SH3PXD2A: variants seen among roughly 807,000 people sequenced by gnomAD.
The protein encoded by SH3PXD2A is SH3 and PX domain-containing protein 2A.
In SH3PXD2A, 32 loss-of-function variants were observed where a neutral mutation model predicts 115.2. The observed-to-expected ratio is 0.28, with a 90% CI of 0.21 to 0.37. The LOEUF (loss-of-function observed/expected upper bound fraction) is 0.37, where lower values mean the gene tolerates loss of function less well. SH3PXD2A is among the 10% of genes least tolerant of loss of function. The pLI, the probability that SH3PXD2A is intolerant of heterozygous loss-of-function variation, is 1.00. For synonymous variants in SH3PXD2A, 610 were observed against 629.1 expected, an observed-to-expected ratio of 0.97 and a Z score of 0.45; for missense variants, 1,328 against 1,498.7, an observed-to-expected ratio of 0.89 and a Z score of 1.88.
chr10:103,596,206 AG>A lies in SH3PXD2A; in HGVS notation c.*5609del, dbSNP rs1471633035. 6.6e-6 allele frequency: 1 copy of A among 152,322 alleles called. No homozygotes were observed. The highest frequency in any genetic ancestry group is 1.5e-5 in the Non-Finnish European group (1 of 68,030). 9.4% of individuals were successfully genotyped at this position (152,322 alleles called of 1,614,324 possible). A position where few individuals can be genotyped will look rare whatever the true frequency, so the allele number is the denominator to read the frequency against. ...GAAAGGGCTGGCAGCTTTCATTATA[AG>A]GGGCTTCTCATACCCATGGCATGGC... On this transcript the variant is annotated 3_prime_UTR_variant, in exon 15 of 15. Transcript: ENST00000369774.
At chr10:103,617,729 G>C (rs1333914724) in intron 10 of SH3PXD2A, among the ~76,000 whole-genome samples, 1 of 152,182 alleles carries the variant, frequency 6.6e-6, no homozygotes, top group Non-Finnish European at 1.5e-5. Context: ...ACGGCATACC[G>C]CTTTTCCTCG....
chr10:103,735,882 T>C (rs1814813669), intron 3 of SH3PXD2A, 74 bp from the exon 4 acceptor site: 1 of 1,188,566 alleles, frequency 8.4e-7, no homozygotes, highest in Non-Finnish European at 1.3e-6. Flanking sequence ...CCCCTCTCCC[T>C]TGGCTTCTCA....
intron 1 of SH3PXD2A, among the ~76,000 whole-genome samples, chr10:103,844,732 T>C (rs753507844): frequency 9.9e-5 from 15 of 152,160 alleles, no homozygotes; most frequent in Non-Finnish European, 1.6e-4. Flanking sequence ...ACCTGCACTC[T>C]CCAAACCTCA....
intron 1 of SH3PXD2A, among the ~76,000 whole-genome samples, chr10:103,839,149 C>CCACTAG (rs1192328014): frequency 4.6e-5 from 7 of 152,178 alleles, no homozygotes; most frequent in Non-Finnish European, 1.5e-5. Flanking sequence ...ATCAGCAGAA[C>CCACTAG]CACTAGCAAG....
chr10:103,680,258 C>T lies in SH3PXD2A; in HGVS notation c.428-11606G>A, dbSNP rs1051977396. 3.3e-4 allele frequency among the ~76,000 whole-genome samples: 50 copies of T among 151,876 alleles called. 1 individual carries two copies. Among genetic ancestry groups the T allele is most frequent in the South Asian group, 6.2e-4 (3 of 4,806 alleles). On this transcript the variant is annotated intron_variant, in intron 6 of 14. Transcript: ENST00000369774. ...CCTCCCAAAGTGCTGGGATTACAGG[C>T]GTGAGCTACCACACCCGGCCTGCCT...
intron 2 of SH3PXD2A, among the ~76,000 whole-genome samples, chr10:103,775,076 G>T (rs2038865172): frequency 6.6e-6 from 1 of 152,144 alleles, no homozygotes; most frequent in South Asian, 2.1e-4. Context: ...AGAGAGAGAG[G>T]ACCTGTCCAC....
intron 14 of SH3PXD2A, among the ~76,000 whole-genome samples, chr10:103,605,537 G>A (rs941409285): frequency 1.3e-5 from 2 of 152,140 alleles, no homozygotes; most frequent in Non-Finnish European, 2.9e-5. Flanking sequence ...AGGCCCCCCT[G>A]TCACAAGCTC....
intron 2 of SH3PXD2A, among the ~76,000 whole-genome samples, chr10:103,773,015 A>G (rs1043640249): frequency 6.6e-6 from 1 of 152,200 alleles, no homozygotes; most frequent in Admixed American, 6.5e-5. Flanking sequence ...ACCTGAGGTC[A>G]GGGGTTCGAG....
Position 103,602,477 on chromosome 10 carries a change from G to A in SH3PXD2A, c.2741C>T (p.Ala914Val). 6.2e-7 allele frequency: 1 copy of A among 1,614,150 alleles called. No individual in the cohort carries two copies. The highest frequency in any genetic ancestry group is 8.5e-7 in the Non-Finnish European group (1 of 1,180,004). Residue 914 changes from alanine to valine, a missense_variant, in exon 15 of 15, where the codon GCC becomes GTC. By Grantham distance (64) the Ala-to-Val change is moderately conservative (BLOSUM62 0). Transcript: ENST00000369774. ...PSGKELDTVP[A>V]KGRQNEGKSD... is the part of the protein sequence containing the mutation. ...TTTGCCTTCGTTCTGCCTGCCCTTG[G>A]CGGGCACTGTGTCCAGCTCTTTGCC...
intron 8 of SH3PXD2A, among the ~76,000 whole-genome samples, chr10:103,629,295 G>T (rs1225517042): frequency 1.3e-5 from 2 of 152,206 alleles, no homozygotes; most frequent in African/African-American, 4.8e-5. Flanking sequence ...CACTAGTTGG[G>T]GACTGGGCAG....
intron 3 of SH3PXD2A, chr10:103,736,874 C>T: frequency 1.2e-6 from 1 of 847,854 alleles, no homozygotes; most frequent in Non-Finnish European, 1.7e-6. Flanking sequence ...GTCAGTCAGT[C>T]TAGCCACACC....
At chr10:103,691,791 C>A (rs2037755199) in intron 6 of SH3PXD2A, among the ~76,000 whole-genome samples, 1 of 152,024 alleles carries the variant, frequency 6.6e-6, no homozygotes, top group South Asian at 2.1e-4. Flanking sequence ...GTAAACATAC[C>A]CTCACAGCAC....
chr10:103,703,340 T>C (rs1376563720), intron 5 of SH3PXD2A, among the ~76,000 whole-genome samples: 1 of 152,238 alleles, frequency 6.6e-6, no homozygotes, highest in East Asian at 1.9e-4. Context: ...CAGAGGCAGC[T>C]GCGTTAGCCC....
intron 1 of SH3PXD2A, among the ~76,000 whole-genome samples, chr10:103,848,191 C>T (rs1842865943): frequency 9.3e-6 from 1 of 107,954 alleles, no homozygotes; most frequent in African/African-American, 3.1e-5. Flanking sequence ...GCTGACACCT[C>T]ACTTCCTGCT....
chr10:103,737,265 T>G (rs2038391316), intron 3 of SH3PXD2A, among the ~76,000 whole-genome samples: 1 of 152,222 alleles, frequency 6.6e-6, no homozygotes, highest in Non-Finnish European at 1.5e-5. Flanking sequence ...TCTTTTTCAT[T>G]TAAATGAGTT....
Position 103,724,344 on chromosome 10 carries a change from G to T in SH3PXD2A, c.324C>A (p.Pro108=). 1.3e-6 allele frequency: 2 copies of T among 1,580,380 alleles called. No homozygotes were observed. Among genetic ancestry groups the T allele is most frequent in the Non-Finnish European group, 1.7e-6 (2 of 1,166,734 alleles). The change falls in exon 5 of 15, where the codon CCC becomes CCA. Residue 108 remains proline, a synonymous_variant. Coordinates refer to ENST00000369774, the MANE Select transcript of SH3PXD2A (RefSeq NM_001394015.1). ...DEYCRALVRL[P]PHISQCDEVF... ...CTTCGTCACACTGTGAGATGTGGGG[G>T]GGCAGCCGGACAAGTGCCTGTGGAG... is the stretch of plus-strand genomic sequence containing the variant.
chr10:103,683,144 G>C (rs1455407206), intron 6 of SH3PXD2A, among the ~76,000 whole-genome samples: 2 of 151,876 alleles, frequency 1.3e-5, no homozygotes, highest in Admixed American at 1.3e-4. Flanking sequence ...AGGATCACTT[G>C]AGGCCTGGAA....
At chr10:103,617,037 T>C (rs1367015965) in intron 11 of SH3PXD2A, among the ~76,000 whole-genome samples, 160 bp downstream of exon 11, 1 of 152,278 alleles carries the variant, frequency 6.6e-6, no homozygotes, top group Admixed American at 6.5e-5. Context: ...ATTCTCTGGT[T>C]GAGCTATTCA....
At chr10:103,744,161 T>G (rs1323967713) in intron 3 of SH3PXD2A, among the ~76,000 whole-genome samples, 1 of 150,898 alleles carries the variant, frequency 6.6e-6, no homozygotes, top group Admixed American at 6.6e-5. Context: ...TGTCTTTTTT[T>G]TTTTTTTTTG....
Sources: allele counts gnomAD v4.1 joint callset (sites outside exome capture counted in the v4.1 genomes callset), GRCh38; gene constraint gnomAD v4.1.1; transcripts MANE v1.5; gene names NCBI Gene and HGNC (gene_info 2026-07-23, HGNC 2026-07-21).